CCDC7: variants seen among roughly 807,000 people sequenced by gnomAD.
CCDC7 encodes the protein coiled-coil domain containing 7.
Under a neutral mutation model 196.9 loss-of-function variants are expected in CCDC7, and 183 were observed. The observed-to-expected ratio is 0.93, with a 90% CI of 0.82 to 1.05. The LOEUF is 1.05. CCDC7 is among the 50% of genes least tolerant of loss of function. CCDC7 has a pLI of 0.00. For synonymous variants in CCDC7, 525 were observed against 484.6 expected (o/e 1.08, Z -1.10); for missense variants, 1,540 against 1,482.2 (o/e 1.04, Z -0.64).
At chr10:32,659,471 G>A (rs1391356397) in intron 20 of CCDC7, among the ~76,000 whole-genome samples, 1 of 152,122 alleles carries the variant, frequency 6.6e-6, no homozygotes, top group Non-Finnish European at 1.5e-5. Flanking sequence ...GTCATACCTT[G>A]GAGATACTGC....
intron 20 of CCDC7, among the ~76,000 whole-genome samples, chr10:32,661,171 A>G (rs1314288108): frequency 1.3e-5 from 2 of 151,804 alleles, no homozygotes; most frequent in African/African-American, 4.8e-5. Flanking sequence ...GGACATGAAC[A>G]GACACTTCTC....
At chr10:32,588,103 C>T (rs572296718) in intron 18 of CCDC7, among the ~76,000 whole-genome samples, 13 of 152,352 alleles carry the variant, frequency 8.5e-5, no homozygotes, top group African/African-American at 3.1e-4. Flanking sequence ...AGAACAGCCT[C>T]AGCACTCTGC....
intron 21 of CCDC7, among the ~76,000 whole-genome samples, chr10:32,667,849 C>G (rs988124862): frequency 2.6e-5 from 4 of 152,072 alleles, no homozygotes; most frequent in Non-Finnish European, 5.9e-5. Flanking sequence ...CTTGGCAATG[C>G]AGGCTCTTTT....
intron 29 of CCDC7, among the ~76,000 whole-genome samples, chr10:32,783,316 AAACTC>A: frequency 6.6e-6 from 1 of 152,340 alleles, no homozygotes; most frequent in African/African-American, 2.4e-5. Flanking sequence ...AATTAACAAA[AAACTC>A]AACTCCATTT....
rs184092204 is a variant in CCDC7 at position 32,649,994 on chromosome 10, A to T, written c.2015-14060A>T. Among the ~76,000 whole-genome samples the T allele has an allele frequency of 7.2e-5, 11 of 152,244 alleles. No homozygotes were observed. The East Asian group carries it at 2.1e-3, about 29-fold the overall frequency. Reference sequence around the variant, plus strand: ...GAGCTTCTTTGCCGTCAAGATTCTGAATTCCATGTCTGTCATTTCAGACAA... The same window carrying T: ...GAGCTTCTTTGCCGTCAAGATTCTGTATTCCATGTCTGTCATTTCAGACAA... On this transcript the variant is annotated intron_variant, in intron 20 of 41. Coordinates refer to ENST00000639629, the Ensembl canonical transcript of CCDC7.
At chr10:32,669,190 A>G (rs769934757) in intron 21 of CCDC7, among the ~76,000 whole-genome samples, 2 of 152,028 alleles carry the variant, frequency 1.3e-5, no homozygotes, top group African/African-American at 2.4e-5. Flanking sequence ...TGTTAATGTG[A>G]TGTATCACAT....
At chr10:32,645,132 T>G (rs1340962665) in intron 20 of CCDC7, among the ~76,000 whole-genome samples, 2 of 152,168 alleles carry the variant, frequency 1.3e-5, no homozygotes, top group Non-Finnish European at 2.9e-5. Context: ...GAAATTCAAA[T>G]GAAAACCATA....
At chr10:32,832,655 A>G (rs2092295097) in intron 32 of CCDC7, among the ~76,000 whole-genome samples, 1 of 152,150 alleles carries the variant, frequency 6.6e-6, no homozygotes, top group South Asian at 2.1e-4. Flanking sequence ...AGTTGGTATC[A>G]GGCCGTGTTA....
At chr10:32,561,929 G>A (rs2055745887) in intron 13 of CCDC7, among the ~76,000 whole-genome samples, 1 of 152,028 alleles carries the variant, frequency 6.6e-6, no homozygotes, top group Non-Finnish European at 1.5e-5. Context: ...AGAAAAGAGA[G>A]AAGAATCAAA....
In CCDC7 at chr10:32,850,774, A is replaced by AACACACACACACACACACAC. The variant is rs59662474; in HGVS notation, c.3896-1007_3896-988dup. On this transcript the variant is annotated intron_variant, in intron 39 of 41. Transcript: ENST00000639629. ...TTTTGAAATGTCACTTGTCTCTGACAACACACACACACACACACACACACA... is the reference window on the plus strand; with the variant it reads ...TTTTGAAATGTCACTTGTCTCTGACAACACACACACACACACACACACACACACACACACACACACACACA... Among the ~76,000 whole-genome samples the AACACACACACACACACACAC allele has an allele frequency of 2.0e-5, 3 of 146,814 alleles. No individual in the cohort carries two copies. The East Asian group carries it at 6.1e-4, about 30-fold the overall frequency.
intron 21 of CCDC7, among the ~76,000 whole-genome samples, chr10:32,666,874 C>A (rs931673427): frequency 1.3e-5 from 2 of 152,050 alleles, no homozygotes; most frequent in Admixed American, 6.6e-5. Flanking sequence ...GATTTATAAT[C>A]CTTTGGGTAT....
chr10:32,796,282 G>A (rs990619682), intron 29 of CCDC7, among the ~76,000 whole-genome samples: 4 of 152,076 alleles, frequency 2.6e-5, no homozygotes, highest in Non-Finnish European at 4.4e-5. Context: ...GGGGGAAAGG[G>A]AGTAAAGCCA....
At chr10:32,608,699 C>A (rs1412226424) in intron 18 of CCDC7, among the ~76,000 whole-genome samples, 9 of 152,104 alleles carry the variant, frequency 5.9e-5, no homozygotes, top group Non-Finnish European at 1.0e-4. Context: ...CGCCACCATG[C>A]CCAGCTAATT....
At chr10:32,540,156 G>A (rs1489125183) in intron 11 of CCDC7, among the ~76,000 whole-genome samples, 1 of 152,126 alleles carries the variant, frequency 6.6e-6, no homozygotes, top group Non-Finnish European at 1.5e-5. Context: ...AAGTCTCTTT[G>A]TAGGTCCCTA....
intron 20 of CCDC7, among the ~76,000 whole-genome samples, chr10:32,662,409 G>A (rs1443992010): frequency 6.6e-6 from 1 of 152,142 alleles, no homozygotes; most frequent in East Asian, 1.9e-4. Flanking sequence ...GGGATAATTG[G>A]TGTAACCTTC....
chr10:32,618,633 T>C (rs1249841694), intron 18 of CCDC7, among the ~76,000 whole-genome samples: 1 of 152,064 alleles, frequency 6.6e-6, no homozygotes, highest in Non-Finnish European at 1.5e-5. Context: ...AATGCCATCT[T>C]ATTCTCTTCT....
chr10:32,672,320 T>C (rs2074209784), intron 21 of CCDC7, among the ~76,000 whole-genome samples: 1 of 152,168 alleles, frequency 6.6e-6, no homozygotes, highest in African/African-American at 2.4e-5. Flanking sequence ...TAAACCAGTG[T>C]CTGGAGCATG....
chr10:32,730,290 A>G (rs1030890405), intron 28 of CCDC7, among the ~76,000 whole-genome samples: 4 of 152,114 alleles, frequency 2.6e-5, no homozygotes, highest in South Asian at 2.1e-4. Flanking sequence ...TTTTCTTTTA[A>G]TTATCTCTTA....
At chr10:32,581,669 G>C (rs2058742298) in intron 16 of CCDC7, among the ~76,000 whole-genome samples, 1 of 152,016 alleles carries the variant, frequency 6.6e-6, no homozygotes, top group African/African-American at 2.4e-5. Context: ...CTGAACGTGG[G>C]AATATGGTTA....
Sources: gnomAD v4.1 joint callset for allele counts (sites outside exome capture counted in the v4.1 genomes callset) on GRCh38, gnomAD v4.1.1 for gene constraint, MANE v1.5 for transcripts, NCBI Gene and HGNC (gene_info 2026-07-23, HGNC 2026-07-21) for gene names.